Variants in FER observed in about 807,000 individuals in gnomAD.
The protein encoded by FER is FER tyrosine kinase.
FER carries 63 observed loss-of-function variants against 111.0 expected under a neutral mutation model. The ratio of observed to expected loss-of-function variants is 0.57; its 90% CI spans 0.46 to 0.70. The LOEUF (loss-of-function observed/expected upper bound fraction) is 0.70. Ranked by LOEUF, FER falls within the 30% of genes least tolerant of loss-of-function variation. FER has a pLI of 0.00. For synonymous variants in FER, 327 were observed against 313.9 expected (o/e 1.04, Z -0.44); for missense variants, 914 against 954.0 (o/e 0.96, Z 0.55).
rs1342488945 is a variant in FER, at chr5:109,195,241, C to T, written c.*7666C>T. On this transcript the variant is annotated 3_prime_UTR_variant, in exon 20 of 20. Transcript: ENST00000281092. ...GAATATTTTCTCCTTAATTAAAGTA[C>T]GTTGCTTGTATTTAGACTATAAGAT... is the stretch of plus-strand genomic sequence containing the variant. 3.3e-5 allele frequency: 5 copies of T among 152,050 alleles called. No individual in the cohort carries two copies. The highest frequency in any genetic ancestry group is 1.3e-4 in the Admixed American group (2 of 15,262). 9.4% of individuals were successfully genotyped at this position (152,050 alleles called of 1,614,324 possible). A position where few individuals can be genotyped will look rare whatever the true frequency, so the allele number is the denominator to read the frequency against.
At chr5:108,795,138 A>T (rs1755867725) in intron 2 of FER, among the ~76,000 whole-genome samples, 1 of 152,206 alleles carries the variant, frequency 6.6e-6, no homozygotes, top group Admixed American at 6.5e-5. Context: ...AGCCTGGGCA[A>T]CAAAGTGTGA....
At chr5:109,015,794 T>C (rs1027957739) in intron 13 of FER, among the ~76,000 whole-genome samples, 4 of 152,076 alleles carry the variant, frequency 2.6e-5, no homozygotes, top group African/African-American at 9.7e-5. Flanking sequence ...ATTTTAGTTT[T>C]GAATGAGTTG....
intron 16 of FER, among the ~76,000 whole-genome samples, chr5:109,083,011 G>T (rs968707193): frequency 6.6e-6 from 1 of 151,984 alleles, no homozygotes; most frequent in Non-Finnish European, 1.5e-5. Context: ...AAATTCTCCT[G>T]AAGCAAATAT....
Position 108,912,652 on chromosome 5 carries a change from A to G in FER, c.1236+14804A>G, listed in dbSNP as rs185839590. Among the ~76,000 whole-genome samples, 232 of 152,300 alleles carry G rather than the reference A, an allele frequency of 1.5e-3. 1 individual carries two copies. Among genetic ancestry groups the G allele is most frequent in the Non-Finnish European group, 2.3e-3 (156 of 68,016 alleles). ...CTGAGATTGACTACAGGTGTGAGCCACTGTGCGTGGCCCTATGAACTCTTA... is the reference window on the plus strand; with the variant it reads ...CTGAGATTGACTACAGGTGTGAGCCGCTGTGCGTGGCCCTATGAACTCTTA... On this transcript the variant is annotated intron_variant, in intron 10 of 19. Coordinates refer to ENST00000281092, the MANE Select transcript of FER (RefSeq NM_005246.4).
intron 16 of FER, among the ~76,000 whole-genome samples, chr5:109,085,170 T>G (rs892327966): frequency 6.6e-6 from 1 of 151,786 alleles, no homozygotes; most frequent in Non-Finnish European, 1.5e-5. Flanking sequence ...TGGGGGAAAT[T>G]TACAATATTA....
chr5:108,768,906 C>A lies in FER; in HGVS notation c.-60+668C>A, dbSNP rs563034365. ...GTGGCACAATCTTGGCTCATTGCAA[C>A]CTCCGCCTCCTGGGTTCAAGCGATT... On this transcript the variant is annotated intron_variant, in intron 2 of 19. Transcript: ENST00000281092. Among the ~76,000 whole-genome samples, 7 of 151,826 alleles carry A rather than the reference C, an allele frequency of 4.6e-5. No homozygotes were observed. In the South Asian group the frequency reaches 6.2e-4, roughly 14 times the overall value.
chr5:108,922,670 A>G (rs1257699080), intron 10 of FER, among the ~76,000 whole-genome samples: 1 of 149,804 alleles, frequency 6.7e-6, no homozygotes, highest in African/African-American at 2.6e-5. Context: ...AGGAAAATAT[A>G]ATTTTATTTT....
chr5:108,882,521 A>G (rs1765780779), intron 8 of FER, among the ~76,000 whole-genome samples: 1 of 150,812 alleles, frequency 6.6e-6, no homozygotes, highest in African/African-American at 2.4e-5. Context: ...TTTTTTGTCC[A>G]TTTTCATATT....
At chr5:108,937,220 C>T (rs1755586723) in intron 10 of FER, among the ~76,000 whole-genome samples, 1 of 151,806 alleles carries the variant, frequency 6.6e-6, no homozygotes, top group African/African-American at 2.4e-5. Context: ...CTTCTTGTAG[C>T]TTAGATTGTA....
intron 13 of FER, among the ~76,000 whole-genome samples, chr5:108,982,230 ATAAAG>A (rs1274133102): frequency 2.0e-5 from 3 of 152,048 alleles, no homozygotes; most frequent in African/African-American, 4.8e-5. Flanking sequence ...AACCTGTAAC[ATAAAG>A]TAATCTAGAT....
chr5:109,104,230 TAATC>T (rs1748604181), intron 17 of FER, among the ~76,000 whole-genome samples: 1 of 152,240 alleles, frequency 6.6e-6, no homozygotes, highest in Non-Finnish European at 1.5e-5. Flanking sequence ...TTTATTTTAT[TAATC>T]AGTCAGAGTT....
At chr5:109,186,984 C>T (rs1190839990) in intron 19 of FER, among the ~76,000 whole-genome samples, 3 of 152,162 alleles carry the variant, frequency 2.0e-5, no homozygotes, top group South Asian at 2.1e-4. Flanking sequence ...AACCAACAGA[C>T]GGTAAAAGAA....
At chr5:109,154,044 C>G (rs1755114915) in intron 17 of FER, among the ~76,000 whole-genome samples, 1 of 151,234 alleles carries the variant, frequency 6.6e-6, no homozygotes, top group South Asian at 2.1e-4. Flanking sequence ...TTTGCAGAAA[C>G]TAGCAAGAGT....
chr5:108,879,538 C>T (rs980735315), intron 8 of FER, among the ~76,000 whole-genome samples: 14 of 151,248 alleles, frequency 9.3e-5, no homozygotes, highest in African/African-American at 3.2e-4. Context: ...AATTTATGAA[C>T]TATTCTTACA....
At chr5:109,014,950 T>G (rs1766855275) in intron 13 of FER, 1 of 152,200 alleles carries the variant, frequency 6.6e-6, no homozygotes, top group Non-Finnish European at 1.5e-5. Context: ...CTATGTTTGC[T>G]TTTAAAGTTA....
chr5:109,151,459 A>C (rs1582273186), intron 17 of FER, among the ~76,000 whole-genome samples: 1 of 152,260 alleles, frequency 6.6e-6, no homozygotes, highest in South Asian at 2.1e-4. Flanking sequence ...AAAAGATGAG[A>C]AAAATATGCA....
At chr5:108,767,623 T>G (rs1752466536) in intron 1 of FER, among the ~76,000 whole-genome samples, 2 of 152,148 alleles carry the variant, frequency 1.3e-5, no homozygotes, top group African/African-American at 4.8e-5. Context: ...TAGCTGAGAC[T>G]ACAGGTGTGT....
intron 17 of FER, among the ~76,000 whole-genome samples, chr5:109,124,780 C>T (rs942712989): frequency 1.3e-5 from 2 of 152,098 alleles, no homozygotes; most frequent in Non-Finnish European, 2.9e-5. Context: ...GGCGCGGTGG[C>T]TCACGCCTGT....
In FER at chr5:108,910,338, A is replaced by G. The variant is rs1454474881; in HGVS notation, c.1236+12490A>G. On this transcript the variant is annotated intron_variant, in intron 10 of 19. Coordinates refer to ENST00000281092, the MANE Select transcript of FER (RefSeq NM_005246.4). ...TATCTTTTAAAATTTCACATCAGCC[A>G]GTCTGGTTATAGTGGTCTCAACAAG... Among the ~76,000 whole-genome samples the G allele has an allele frequency of 2.0e-5, 3 of 152,176 alleles. No homozygotes were observed. In the East Asian group the frequency reaches 5.8e-4, roughly 29 times the overall value.
Sources: gnomAD v4.1 joint callset for allele counts (sites outside exome capture counted in the v4.1 genomes callset) on GRCh38, gnomAD v4.1.1 for gene constraint, MANE v1.5 for transcripts, NCBI Gene and HGNC (gene_info 2026-07-23, HGNC 2026-07-21) for gene names.